ZNF804B: variants seen among roughly 807,000 people sequenced by gnomAD.
The protein encoded by ZNF804B is zinc finger 804B.
In ZNF804B, 80 loss-of-function variants were observed where a neutral mutation model predicts 101.4. The observed-to-expected ratio is 0.79, with a 90% CI of 0.66 to 0.95. The LOEUF (loss-of-function observed/expected upper bound fraction) is 0.95. Ranked by LOEUF, ZNF804B falls within the 40% of genes least tolerant of loss-of-function variation. The probability of loss-of-function intolerance (pLI) is 0.00; values close to 1 mark genes in which losing one functional copy is unlikely to be tolerated. For synonymous variants in ZNF804B, 622 were observed against 558.8 expected (o/e 1.11, Z -1.59); for missense variants, 1,673 against 1,561.9 (o/e 1.07, Z -1.20).
intron 1 of ZNF804B, among the ~76,000 whole-genome samples, chr7:88,809,325 ATCTAT>A: frequency 8.6e-6 from 1 of 116,188 alleles, no homozygotes; most frequent in Non-Finnish European, 1.8e-5. Context: ...CTATCTATCT[ATCTAT>A]CTATCTATCT....
intron 1 of ZNF804B, among the ~76,000 whole-genome samples, chr7:88,979,363 G>A (rs1439303342): frequency 1.3e-5 from 2 of 151,884 alleles, no homozygotes; most frequent in African/African-American, 2.4e-5. Context: ...TGTAGGACAT[G>A]TCTGTGATGA....
intron 1 of ZNF804B, among the ~76,000 whole-genome samples, chr7:89,063,117 T>C (rs1789402850): frequency 6.6e-6 from 1 of 152,116 alleles, no homozygotes; most frequent in Admixed American, 6.6e-5. Flanking sequence ...ATATTGTAAG[T>C]ATTAGCAATC....
intron 1 of ZNF804B, among the ~76,000 whole-genome samples, chr7:89,116,750 G>A (rs758937101): frequency 2.0e-5 from 3 of 151,862 alleles, no homozygotes; most frequent in Non-Finnish European, 2.9e-5. Context: ...ACTACATTTC[G>A]GCATAATTAT....
intron 1 of ZNF804B, among the ~76,000 whole-genome samples, chr7:88,910,229 A>T (rs1792528392): frequency 6.6e-6 from 1 of 151,872 alleles, no homozygotes; most frequent in Non-Finnish European, 1.5e-5. Flanking sequence ...CAAAATACCA[A>T]ACAAAAACTA....
chr7:88,800,246 A>G (rs986214938), intron 1 of ZNF804B, among the ~76,000 whole-genome samples: 6 of 152,084 alleles, frequency 3.9e-5, no homozygotes, highest in African/African-American at 1.4e-4. Context: ...TCAAATCACT[A>G]GGTATTTGAA....
chr7:88,871,460 C>T (rs867445720), intron 1 of ZNF804B, among the ~76,000 whole-genome samples: 23 of 151,786 alleles, frequency 1.5e-4, no homozygotes, highest in Middle Eastern at 6.9e-3. Flanking sequence ...TAAAATTTTT[C>T]AATTATCAAT....
intron 1 of ZNF804B, among the ~76,000 whole-genome samples, chr7:88,976,183 G>A (rs1342155111): frequency 1.3e-5 from 2 of 151,582 alleles, no homozygotes; most frequent in Non-Finnish European, 3.0e-5. Context: ...GTCAGGTAAT[G>A]TAATTCTTCC....
At chr7:88,948,007 T>C (rs973247303) in intron 1 of ZNF804B, among the ~76,000 whole-genome samples, 1 of 151,980 alleles carries the variant, frequency 6.6e-6, no homozygotes, top group African/African-American at 2.4e-5. Flanking sequence ...ACAAGTGATA[T>C]TTCATGGTTA....
At chr7:88,890,198 C>A (rs1267306167) in intron 1 of ZNF804B, among the ~76,000 whole-genome samples, 1 of 152,096 alleles carries the variant, frequency 6.6e-6, no homozygotes, top group Non-Finnish European at 1.5e-5. Flanking sequence ...AGGTACTCTT[C>A]AGAAATAATG....
At chr7:88,828,635 T>A in intron 1 of ZNF804B, among the ~76,000 whole-genome samples, 1 of 152,156 alleles carries the variant, frequency 6.6e-6, no homozygotes. Context: ...AATTGGTAGC[T>A]TGAAACCTAT....
intron 2 of ZNF804B, among the ~76,000 whole-genome samples, chr7:89,237,232 A>G (rs1789298395): frequency 6.6e-6 from 1 of 152,194 alleles, no homozygotes; most frequent in Admixed American, 6.5e-5. Flanking sequence ...ATGTGTATAT[A>G]GTTAGCTGAT....
intron 1 of ZNF804B, among the ~76,000 whole-genome samples, chr7:89,074,441 T>C (rs1044294633): frequency 2.6e-5 from 4 of 152,180 alleles, no homozygotes. Context: ...ATGAGTCTTA[T>C]GAGATCTGAT....
intron 1 of ZNF804B, among the ~76,000 whole-genome samples, chr7:89,121,403 A>G (rs1030537713): frequency 3.9e-5 from 6 of 152,158 alleles, no homozygotes; most frequent in Admixed American, 2.0e-4. Flanking sequence ...TTTCTCTATA[A>G]TACAAAATTA....
intron 1 of ZNF804B, among the ~76,000 whole-genome samples, chr7:89,070,139 G>T (rs1789514283): frequency 6.6e-6 from 1 of 152,188 alleles, no homozygotes; most frequent in African/African-American, 2.4e-5. Flanking sequence ...TCTGTTCTGT[G>T]TTATGAAGTA....
Position 89,333,430 on chromosome 7 carries a change from A to G in ZNF804B, c.448A>G (p.Ile150Val), listed in dbSNP as rs1791016701. 6.2e-7 allele frequency: 1 copy of G among 1,612,812 alleles called. No individual in the cohort carries two copies. The highest frequency in any genetic ancestry group is 1.3e-5 in the African/African-American group (1 of 74,820). Residue 150 changes from isoleucine to valine, a missense_variant, in exon 4 of 4, where the codon ATT becomes GTT. Coordinates refer to ENST00000333190, the MANE Select transcript of ZNF804B (RefSeq NM_181646.5). ...CATAGAAAAGCAACTCCAGCAAGGA[A>G]TTTTCCCCATTAAGAATGGCAGAAA... ...VAIEKQLQQG[I>V]FPIKNGRKVS...
At chr7:88,768,539 A>G (rs7805337) in intron 1 of ZNF804B, among the ~76,000 whole-genome samples, 73,695 of 152,036 alleles carry the variant, frequency 0.48, 21,111 homozygotes, top group African/African-American at 0.78. Flanking sequence ...GCAAGATGGC[A>G]AAACCCATCT....
At chr7:89,328,386 A>C (rs1349947934) in intron 3 of ZNF804B, among the ~76,000 whole-genome samples, 1 of 151,952 alleles carries the variant, frequency 6.6e-6, no homozygotes, top group Non-Finnish European at 1.5e-5. Flanking sequence ...TAATTAATTT[A>C]TGAAAATACA....
chr7:89,036,256 T>C (rs562517825), intron 1 of ZNF804B, among the ~76,000 whole-genome samples: 12 of 151,482 alleles, frequency 7.9e-5, no homozygotes, highest in Non-Finnish European at 1.8e-4. Context: ...GGCTAAACTT[T>C]ATCCATGAAA....
At chr7:88,817,464 T>C (rs1790903686) in intron 1 of ZNF804B, among the ~76,000 whole-genome samples, 1 of 152,070 alleles carries the variant, frequency 6.6e-6, no homozygotes, top group Admixed American at 6.6e-5. Context: ...AATGGCTCTA[T>C]GGTGGAATTG....
Sources: allele counts gnomAD v4.1 joint callset (sites outside exome capture counted in the v4.1 genomes callset), GRCh38; gene constraint gnomAD v4.1.1; transcripts MANE v1.5; gene names NCBI Gene and HGNC (gene_info 2026-07-23, HGNC 2026-07-21).